Variants in ATP8A2 observed in about 807,000 individuals in gnomAD.
ATP8A2 encodes ATPase phospholipid transporting 8A2.
A neutral mutation model predicts 165.6 loss-of-function variants in ATP8A2; 100 were observed. The observed-to-expected ratio is 0.60, with a 90% CI of 0.51 to 0.71. The LOEUF (loss-of-function observed/expected upper bound fraction) is 0.71, where lower values mean the gene tolerates loss of function less well. Ranked by LOEUF, ATP8A2 falls within the 30% of genes least tolerant of loss-of-function variation. The pLI, the probability that ATP8A2 is intolerant of heterozygous loss-of-function variation, is 0.00. For synonymous variants in ATP8A2, 543 were observed against 548.8 expected (o/e 0.99, Z 0.15); for missense variants, 1,227 against 1,479.5 (o/e 0.83, Z 2.80).
chr13:25,793,750 T>C (rs1950436111), intron 27 of ATP8A2, among the ~76,000 whole-genome samples: 1 of 152,178 alleles, frequency 6.6e-6, no homozygotes. Context: ...GAGAAATCCT[T>C]TGCTATCTAA....
intron 1 of ATP8A2, among the ~76,000 whole-genome samples, chr13:25,464,096 C>A (rs895322240): frequency 1.3e-5 from 2 of 152,192 alleles, no homozygotes; most frequent in African/African-American, 4.8e-5. Context: ...TCAAAACCTA[C>A]TGGCCCAGAT....
intron 1 of ATP8A2, among the ~76,000 whole-genome samples, chr13:25,375,528 A>G (rs1352309353): frequency 1.3e-5 from 2 of 152,154 alleles, no homozygotes; most frequent in Non-Finnish European, 2.9e-5. Context: ...TTAGTGAAAG[A>G]ACGGGCAGGC....
At chr13:25,798,044 T>C (rs933822980) in intron 27 of ATP8A2, among the ~76,000 whole-genome samples, 2 of 152,160 alleles carry the variant, frequency 1.3e-5, no homozygotes, top group African/African-American at 4.8e-5. Flanking sequence ...TATTCCATGA[T>C]TAATTTTTTT....
At chr13:25,946,291 CTGA>C (rs1389695786) in intron 33 of ATP8A2, among the ~76,000 whole-genome samples, 5 of 152,134 alleles carry the variant, frequency 3.3e-5, no homozygotes, top group African/African-American at 1.2e-4. Context: ...CTCTCTCCTC[CTGA>C]GAGTCTCTCT....
intron 1 of ATP8A2, among the ~76,000 whole-genome samples, chr13:25,438,478 A>G (rs1430676189): frequency 6.6e-6 from 1 of 152,010 alleles, no homozygotes; most frequent in Admixed American, 6.6e-5. Flanking sequence ...CATCTCTACA[A>G]AAAAATACAA....
intron 28 of ATP8A2, among the ~76,000 whole-genome samples, chr13:25,831,800 A>G (rs1447306208): frequency 6.6e-6 from 1 of 151,742 alleles, no homozygotes; most frequent in African/African-American, 2.4e-5. Context: ...CTGAGATCAC[A>G]CCACTGCACT....
intron 2 of ATP8A2, among the ~76,000 whole-genome samples, chr13:25,498,752 G>A (rs1017510969): frequency 2.0e-5 from 3 of 152,122 alleles, no homozygotes; most frequent in Admixed American, 6.5e-5. Flanking sequence ...CCCCGATGCC[G>A]TTATAAACAT....
Position 25,837,282 on chromosome 13 carries a change from A to G in ATP8A2, c.2874A>G (p.Thr958=). The G allele has an allele frequency of 3.1e-6, 5 of 1,614,094 alleles. No individual in the cohort carries two copies. The highest frequency in any genetic ancestry group is 4.2e-6 in the Non-Finnish European group (5 of 1,179,988). The change falls in exon 29 of 37, where the codon ACA becomes ACG. Residue 958 remains threonine (T), a synonymous_variant. Coordinates refer to ENST00000381655, the MANE Select transcript of ATP8A2 (RefSeq NM_016529.6). ...CCCAGAATGGCGAAGGCTTCAACAC[A>G]AAGGTAAACAGAGTGTGATCTCAGA... The part of the protein sequence containing the change: ...KITQNGEGFN[T]KVFWGHCINA...
chr13:25,869,246 G>T (rs967009843), intron 33 of ATP8A2, among the ~76,000 whole-genome samples: 1 of 152,166 alleles, frequency 6.6e-6, no homozygotes, highest in African/African-American at 2.4e-5. Flanking sequence ...TTTTGTCATG[G>T]TTACACATAA....
At chr13:25,582,717 T>C (rs1158661065) in intron 23 of ATP8A2, among the ~76,000 whole-genome samples, 1 of 152,242 alleles carries the variant, frequency 6.6e-6, no homozygotes, top group African/African-American at 2.4e-5. Flanking sequence ...AGCCTTTGTA[T>C]TTAAGTGACT....
At chr13:25,827,023 C>T (rs1566178204) in intron 27 of ATP8A2, among the ~76,000 whole-genome samples, 1 of 152,158 alleles carries the variant, frequency 6.6e-6, no homozygotes, top group African/African-American at 2.4e-5. Flanking sequence ...CTACCCCAGT[C>T]CTGCTGCCTC....
rs183223222 is a variant in ATP8A2 at position 25,937,159 on chromosome 13, A to G, written c.3184-24416A>G. On this transcript the variant is annotated intron_variant, in intron 33 of 36. Transcript: ENST00000381655. ...AATAGTTGATTAATATTTTTTAAAG[A>G]AGAGGGGATAAAGGACACATACAAC... Among the ~76,000 whole-genome samples, 74 of 152,188 alleles carry G rather than the reference A, an allele frequency of 4.9e-4. No homozygotes were observed. The East Asian group carries it at 0.014, about 29-fold the overall frequency.
chr13:25,654,823 A>C (rs919556122), intron 24 of ATP8A2, among the ~76,000 whole-genome samples: 1 of 152,182 alleles, frequency 6.6e-6, no homozygotes, highest in African/African-American at 2.4e-5. Context: ...AATGCCCATC[A>C]GTGATACTTA....
intron 28 of ATP8A2, among the ~76,000 whole-genome samples, chr13:25,834,480 A>G (rs946651412): frequency 6.6e-6 from 1 of 152,214 alleles, no homozygotes; most frequent in Non-Finnish European, 1.5e-5. Context: ...TTGTGGTAAC[A>G]AAGAACTGGA....
At chr13:25,537,901 T>C in intron 6 of ATP8A2, 87 bp from the exon 7 acceptor site, 1 of 833,920 alleles carries the variant, frequency 1.2e-6, no homozygotes, top group South Asian at 2.1e-5. Context: ...TAATAATTTT[T>C]TCTTCAAATA....
chr13:25,713,048 T>C (rs1484813589), intron 25 of ATP8A2, among the ~76,000 whole-genome samples: 2 of 152,222 alleles, frequency 1.3e-5, no homozygotes, highest in East Asian at 3.8e-4. Context: ...ATTTATCTTG[T>C]CTCAGTTTAA....
intron 19 of ATP8A2, among the ~76,000 whole-genome samples, chr13:25,575,277 A>G (rs2039584839): frequency 6.6e-6 from 1 of 152,200 alleles, no homozygotes; most frequent in African/African-American, 2.4e-5. Context: ...ATGACAGATG[A>G]GATCAGTTCA....
intron 27 of ATP8A2, among the ~76,000 whole-genome samples, chr13:25,803,749 A>G (rs151292995): frequency 6.6e-5 from 10 of 152,248 alleles, no homozygotes; most frequent in African/African-American, 2.4e-4. Flanking sequence ...ACTTAGCCAA[A>G]CCTGTTTGTT....
At chr13:25,993,686 TTCTAG>T (rs1956439240) in intron 35 of ATP8A2, among the ~76,000 whole-genome samples, 1 of 152,220 alleles carries the variant, frequency 6.6e-6, no homozygotes, top group Non-Finnish European at 1.5e-5. Flanking sequence ...TGTTTCTGTC[TTCTAG>T]TCTATTTATC....
Sources: gnomAD v4.1 joint callset for allele counts (sites outside exome capture counted in the v4.1 genomes callset) on GRCh38, gnomAD v4.1.1 for gene constraint, MANE v1.5 for transcripts, NCBI Gene and HGNC (gene_info 2026-07-23, HGNC 2026-07-21) for gene names.